PCGF5: variants seen among roughly 807,000 people sequenced by gnomAD.
The protein encoded by PCGF5 is polycomb group RING finger protein 5.
PCGF5 carries 9 observed loss-of-function variants against 44.3 expected under a neutral mutation model. The observed-to-expected ratio is 0.20, with a 90% CI of 0.12 to 0.35. PCGF5 has a LOEUF of 0.35. Among genes scored for constraint, PCGF5 ranks in the 10% least tolerant of loss-of-function variants. The probability of loss-of-function intolerance (pLI) is 1.00; values close to 1 mark genes in which losing one functional copy is unlikely to be tolerated. For synonymous variants in PCGF5, 95 were observed against 102.5 expected (o/e 0.93, Z 0.44); for missense variants, 146 against 305.3 (o/e 0.48, Z 3.89).
At chr10:91,270,246 C>T (rs1030045691) in intron 8 of PCGF5, among the ~76,000 whole-genome samples, 3 of 152,172 alleles carry the variant, frequency 2.0e-5, no homozygotes, top group Non-Finnish European at 4.4e-5. Flanking sequence ...AGTTTTATCT[C>T]TTCCAGCAAC....
intron 2 of PCGF5, among the ~76,000 whole-genome samples, chr10:91,240,263 CAA>C (rs1845288296): frequency 6.6e-6 from 1 of 152,066 alleles, no homozygotes; most frequent in Non-Finnish European, 1.5e-5. Context: ...TTTAAGAAAA[CAA>C]TAAGCAAAAT....
chr10:91,188,483 A>G (rs1843968131), intron 1 of PCGF5, among the ~76,000 whole-genome samples: 1 of 152,252 alleles, frequency 6.6e-6, no homozygotes, highest in South Asian at 2.1e-4. Flanking sequence ...TCTTAGGAAC[A>G]ATAAACTTTA....
chr10:91,248,973 A>G (rs139836914), intron 5 of PCGF5, among the ~76,000 whole-genome samples: 1 of 152,248 alleles, frequency 6.6e-6, no homozygotes, highest in Non-Finnish European at 1.5e-5. Context: ...AAGGGAGATA[A>G]AAGAGAAGAT....
At chr10:91,227,733 G>C in intron 2 of PCGF5, 1 of 1,003,236 alleles carries the variant, frequency 1.0e-6, no homozygotes, top group East Asian at 1.0e-4. Flanking sequence ...GCTACTTAGT[G>C]GTGACTGGTT....
At chr10:91,191,852 G>A (rs1844039706) in intron 1 of PCGF5, among the ~76,000 whole-genome samples, 1 of 152,200 alleles carries the variant, frequency 6.6e-6, no homozygotes, top group Non-Finnish European at 1.5e-5. Context: ...GCCCTTTGAA[G>A]TAGAGAATCA....
intron 8 of PCGF5, among the ~76,000 whole-genome samples, chr10:91,264,979 T>C (rs978723302): frequency 6.6e-6 from 1 of 152,148 alleles, no homozygotes; most frequent in Admixed American, 6.5e-5. Flanking sequence ...GTTGAAAATA[T>C]AAACTCGGAC....
chr10:91,245,763 C>G (rs182408272), intron 3 of PCGF5, among the ~76,000 whole-genome samples: 2 of 152,156 alleles, frequency 1.3e-5, no homozygotes, highest in East Asian at 3.9e-4. Flanking sequence ...GTTTGTTTTT[C>G]ATTGCTTTGA....
At chr10:91,202,777 T>C (rs1174135807) in intron 1 of PCGF5, among the ~76,000 whole-genome samples, 1 of 152,186 alleles carries the variant, frequency 6.6e-6, no homozygotes, top group Non-Finnish European at 1.5e-5. Flanking sequence ...GGCGAAAAGA[T>C]TGGCCATTTA....
At position 91,177,301 on chromosome 10, in the gene PCGF5, C is replaced by T. The variant is rs140265931; in HGVS notation, c.-184+14220C>T. ...CAGAGGGGTACCCGGCTGTGTGAGG[C>T]GTCACTCTGCCCCTACTGGGGGATG... On this transcript the variant is annotated intron_variant, in intron 1 of 9. Transcript: ENST00000614189. Among the ~76,000 whole-genome samples, 924 of 152,186 alleles carry T rather than the reference C, an allele frequency of 6.1e-3. 14 individuals are homozygous for T. Among genetic ancestry groups the T allele is most frequent in the African/African-American group, 0.02 (840 of 41,532 alleles).
chr10:91,157,439 A>G, the PCGF5 span, among the ~76,000 whole-genome samples: 1 of 152,234 alleles, frequency 6.6e-6, no homozygotes, highest in Non-Finnish European at 1.5e-5. Context: ...TACTATGCCT[A>G]TAAAATTTTT....
intron 1 of PCGF5, among the ~76,000 whole-genome samples, chr10:91,179,155 CCT>C (rs1185586994): frequency 3.3e-5 from 5 of 151,906 alleles, no homozygotes; most frequent in African/African-American, 1.2e-4. Flanking sequence ...CCCATCCTGT[CCT>C]CTCTCATTAC....
At chr10:91,166,240 C>T (rs1453948108) in intron 1 of PCGF5, among the ~76,000 whole-genome samples, 1 of 152,156 alleles carries the variant, frequency 6.6e-6, no homozygotes. Flanking sequence ...TGGTTTCTAT[C>T]ATTAGTTGAT....
At chr10:91,158,626 G>A (rs1034125865), upstream of PCGF5, among the ~76,000 whole-genome samples, 2 of 152,168 alleles carry the variant, frequency 1.3e-5, no homozygotes, top group African/African-American at 4.8e-5. Context: ...GGGGCTGGAG[G>A]AGTTTTGAAA....
chr10:91,240,630 G>A, intron 3 of PCGF5, 50 bp downstream of exon 3: 3 of 1,217,962 alleles, frequency 2.5e-6, no homozygotes, highest in Non-Finnish European at 3.6e-6. Flanking sequence ...AATTGAATAG[G>A]CTCTTAATTT....
chr10:91,159,253 T>A (rs1282663565), upstream of PCGF5, among the ~76,000 whole-genome samples: 1 of 152,170 alleles, frequency 6.6e-6, no homozygotes, highest in African/African-American at 2.4e-5. Context: ...AGTCATAATT[T>A]TTTTTTGCCT....
chr10:91,193,791 G>C (rs1475629776), intron 1 of PCGF5, among the ~76,000 whole-genome samples: 1 of 152,186 alleles, frequency 6.6e-6, no homozygotes, highest in Non-Finnish European at 1.5e-5. Context: ...TAAAGAGGAA[G>C]GGGAGAAGCA....
intron 1 of PCGF5, among the ~76,000 whole-genome samples, chr10:91,177,706 A>AGG (rs1843736216): frequency 6.6e-6 from 1 of 152,182 alleles, no homozygotes; most frequent in African/African-American, 2.4e-5. Context: ...CCTCCAAGCC[A>AGG]GGTGCAGGAT....
intron 1 of PCGF5, among the ~76,000 whole-genome samples, chr10:91,165,618 A>G (rs989499774): frequency 6.6e-6 from 1 of 152,240 alleles, no homozygotes; most frequent in Non-Finnish European, 1.5e-5. Flanking sequence ...TAATTTAATC[A>G]AATGAAAACA....
intron 2 of PCGF5, among the ~76,000 whole-genome samples, chr10:91,226,718 G>A (rs1055695159): frequency 1.3e-5 from 2 of 152,100 alleles, no homozygotes; most frequent in African/African-American, 4.8e-5. Flanking sequence ...CAAAAGGTGA[G>A]CTCATCAAAA....
Sources: allele counts gnomAD v4.1 joint callset (sites outside exome capture counted in the v4.1 genomes callset), GRCh38; gene constraint gnomAD v4.1.1; transcripts MANE v1.5; gene names NCBI Gene and HGNC (gene_info 2026-07-23, HGNC 2026-07-21).